EDA: variants seen among roughly 807,000 people sequenced by gnomAD.
The protein encoded by EDA is ectodysplasin A.
A neutral mutation model predicts 23.6 loss-of-function variants in EDA; 2 were observed. The ratio of observed to expected loss-of-function variants is 0.08; its 90% CI spans 0.03 to 0.27. The LOEUF is 0.27. Among genes scored for constraint, EDA ranks in the 10% least tolerant of loss-of-function variants. EDA has a pLI of 1.00. For synonymous variants in EDA, 131 were observed against 132.0 expected, an observed-to-expected ratio of 0.99 and a Z score of 0.05; for missense variants, 229 against 324.2, an observed-to-expected ratio of 0.71 and a Z score of 2.26.
chrX:69,732,679 T>A (rs1429692252), intron 1 of EDA, among the ~76,000 whole-genome samples: 3 of 111,965 alleles, frequency 2.7e-5, no homozygotes, highest in Non-Finnish European at 5.6e-5. Context: ...CGCCACACTG[T>A]CTTCCACAAT....
chrX:69,962,439 A>G (rs1326102220), intron 2 of EDA, among the ~76,000 whole-genome samples: 1 of 111,968 alleles, frequency 8.9e-6, no homozygotes, highest in East Asian at 2.8e-4. Flanking sequence ...ATTTTATTTT[A>G]TTTTATTTTT....
chrX:69,904,567 C>T (rs2018150616), intron 1 of EDA, among the ~76,000 whole-genome samples: 1 of 111,803 alleles, frequency 8.9e-6, no homozygotes, highest in Non-Finnish European at 1.9e-5. Context: ...CCAGGCTGGT[C>T]TCAAACTCCT....
At chrX:69,717,485 G>T (rs1232598527) in intron 1 of EDA, among the ~76,000 whole-genome samples, 1 of 108,104 alleles carries the variant, frequency 9.3e-6, no homozygotes, top group Non-Finnish European at 1.9e-5. Context: ...GATATGGTTC[G>T]GGTCTGTGTC....
chrX:69,743,513 G>T (rs369013209), intron 1 of EDA, among the ~76,000 whole-genome samples: 1 of 111,863 alleles, frequency 8.9e-6, no homozygotes, highest in African/African-American at 3.2e-5. Flanking sequence ...ACATAGAGCT[G>T]ATTCCCTGGG....
intron 1 of EDA, among the ~76,000 whole-genome samples, chrX:69,730,083 C>T (rs987589816): frequency 1.8e-5 from 2 of 111,255 alleles, no homozygotes; most frequent in East Asian, 2.8e-4. Flanking sequence ...AGGCCAGTCT[C>T]GAGCTCCTGA....
intron 2 of EDA, among the ~76,000 whole-genome samples, chrX:69,959,213 T>C (rs926458432): frequency 8.9e-6 from 1 of 112,140 alleles, no homozygotes; most frequent in Non-Finnish European, 1.9e-5. Context: ...TCTGATACTC[T>C]AGTCAGTCAC....
At chrX:69,810,808 C>T (rs1199828290) in intron 1 of EDA, among the ~76,000 whole-genome samples, 3 of 109,701 alleles carry the variant, frequency 2.7e-5, no homozygotes, top group Admixed American at 2.0e-4. Context: ...TAATTTAATC[C>T]TTTGGCATGT....
At chrX:69,719,838 C>A (rs1020967916) in intron 1 of EDA, among the ~76,000 whole-genome samples, 2 of 109,949 alleles carry the variant, frequency 1.8e-5, no homozygotes, top group African/African-American at 6.6e-5. Context: ...CAACCTCTGC[C>A]TCCCAGGTTC....
At chrX:69,843,238 C>T (rs765494657) in intron 1 of EDA, among the ~76,000 whole-genome samples, 2 of 111,563 alleles carry the variant, frequency 1.8e-5, no homozygotes, top group South Asian at 7.4e-4. Context: ...TTTATTTTTA[C>T]TACATTTAAT....
chrX:69,834,665 C>G (rs764182433), intron 1 of EDA, among the ~76,000 whole-genome samples: 40 of 110,225 alleles, frequency 3.6e-4, no homozygotes, highest in African/African-American at 1.3e-3. Flanking sequence ...GACTCTTTAT[C>G]CAATTTGCCA....
In EDA at chrX:69,679,690, G is replaced by A. The variant is rs765078914; in HGVS notation, c.396+62986G>A. Among the ~76,000 whole-genome samples, 40 of 111,154 alleles carry A rather than the reference G, an allele frequency of 3.6e-4. No homozygotes were observed. In the South Asian group the frequency reaches 9.9e-3, roughly 27 times the overall value. On this transcript the variant is annotated intron_variant, in intron 1 of 7. Coordinates refer to ENST00000374552, the MANE Select transcript of EDA (RefSeq NM_001399.5). Reference sequence around the variant, plus strand: ...TATCCTCTTTATCATTTTTTATTGCGTCTATTTGATTCTTCTCTCTTTTTT... The same window carrying A: ...TATCCTCTTTATCATTTTTTATTGCATCTATTTGATTCTTCTCTCTTTTTT...
At chrX:69,795,427 A>G (rs2015517909) in intron 1 of EDA, among the ~76,000 whole-genome samples, 2 of 112,967 alleles carry the variant, frequency 1.8e-5, no homozygotes, top group Admixed American at 1.9e-4. Context: ...ATCCTTAATC[A>G]TTCCTCAGGA....
chrX:69,923,115 G>A (rs751793922), intron 1 of EDA, among the ~76,000 whole-genome samples: 103 of 111,390 alleles, frequency 9.2e-4, no homozygotes, highest in South Asian at 3.4e-3. Flanking sequence ...TGTGACTAGC[G>A]GATAAATGAT....
intron 2 of EDA, among the ~76,000 whole-genome samples, chrX:69,978,282 G>A (rs1044061942): frequency 2.4e-5 from 2 of 84,406 alleles, no homozygotes; most frequent in Admixed American, 1.5e-4. Context: ...TCAGGAGTTC[G>A]AGACCAGCCT....
intron 1 of EDA, among the ~76,000 whole-genome samples, chrX:69,751,375 T>G (rs1404559813): frequency 8.9e-6 from 1 of 112,280 alleles, no homozygotes; most frequent in Non-Finnish European, 1.9e-5. Context: ...TTCTGTTCCA[T>G]TGGTCTATAT....
chrX:69,680,984 G>A (rs1335461260), intron 1 of EDA, among the ~76,000 whole-genome samples: 13 of 107,309 alleles, frequency 1.2e-4, no homozygotes, highest in South Asian at 4.4e-4. Flanking sequence ...CATGTTTAGC[G>A]CTTCCTTCAG....
At chrX:69,768,272 C>A (rs1477174991) in intron 1 of EDA, among the ~76,000 whole-genome samples, 3 of 111,683 alleles carry the variant, frequency 2.7e-5, no homozygotes, top group Non-Finnish European at 5.7e-5. Flanking sequence ...TTTGACAAAC[C>A]TAAGTACATT....
intron 1 of EDA, among the ~76,000 whole-genome samples, chrX:69,644,292 T>C (rs375790242): frequency 7.2e-5 from 8 of 110,844 alleles, no homozygotes; most frequent in African/African-American, 2.6e-4. Context: ...TGAGCAGTGG[T>C]CTGTAGTTCT....
At chrX:69,939,806 A>G (rs183094926) in intron 1 of EDA, among the ~76,000 whole-genome samples, 1 of 111,899 alleles carries the variant, frequency 8.9e-6, no homozygotes, top group East Asian at 2.8e-4. Context: ...CAGATGTTGA[A>G]TTTTATCAAA....
Sources: gnomAD v4.1 joint callset for allele counts (sites outside exome capture counted in the v4.1 genomes callset) on GRCh38, gnomAD v4.1.1 for gene constraint, MANE v1.5 for transcripts, NCBI Gene and HGNC (gene_info 2026-07-23, HGNC 2026-07-21) for gene names.